ITFG1: variants seen among roughly 807,000 people sequenced by gnomAD.
ITFG1 encodes the protein T-cell immunomodulatory protein.
A neutral mutation model predicts 81.8 loss-of-function variants in ITFG1; 34 were observed. The ratio of observed to expected loss-of-function variants is 0.42; its 90% confidence interval spans 0.32 to 0.55. The LOEUF is 0.55. Among genes scored for constraint, ITFG1 ranks in the 20% least tolerant of loss-of-function variants. The pLI is 0.17. For synonymous variants in ITFG1, 285 were observed against 270.6 expected, an observed-to-expected ratio of 1.05 and a Z score of -0.52; for missense variants, 672 against 755.4, an observed-to-expected ratio of 0.89 and a Z score of 1.29.
chr16:47,430,675 T>C (rs1969084027), intron 5 of ITFG1, among the ~76,000 whole-genome samples: 1 of 152,204 alleles, frequency 6.6e-6, no homozygotes, highest in South Asian at 2.1e-4. Flanking sequence ...TGCAGAAGAA[T>C]AAATTGAAGT....
intron 10 of ITFG1, among the ~76,000 whole-genome samples, chr16:47,294,638 C>G (rs1158962185): frequency 6.6e-6 from 1 of 151,844 alleles, no homozygotes; most frequent in Non-Finnish European, 1.5e-5. Context: ...ATGAAACTGC[C>G]TTCTTGATTT....
At chr16:47,192,401 T>G (rs1965303401) in intron 14 of ITFG1, among the ~76,000 whole-genome samples, 1 of 152,206 alleles carries the variant, frequency 6.6e-6, no homozygotes, top group Non-Finnish European at 1.5e-5. Flanking sequence ...TAGAGACTCC[T>G]TATTATTTAT....
At chr16:47,221,910 T>A (rs1190145574) in intron 13 of ITFG1, among the ~76,000 whole-genome samples, 1 of 152,248 alleles carries the variant, frequency 6.6e-6, no homozygotes, top group Non-Finnish European at 1.5e-5. Context: ...AGTTTGTATT[T>A]CTGTGGGATC....
intron 14 of ITFG1, among the ~76,000 whole-genome samples, chr16:47,213,763 C>T (rs956016540): frequency 6.6e-6 from 1 of 152,086 alleles, no homozygotes; most frequent in African/African-American, 2.4e-5. Flanking sequence ...GTGTGGTGCA[C>T]CCCAGGTTCC....
chr16:47,275,221 T>A lies in ITFG1; in HGVS notation c.1071-14526A>T, dbSNP rs1019873789. On this transcript the variant is annotated intron_variant, in intron 10 of 17. Coordinates refer to ENST00000320640, the MANE Select transcript of ITFG1 (RefSeq NM_030790.5). ...GTTTAGCTGACATTGAATGTCTACT[T>A]CCTGAAAGGACCTGGAATAATATAT... is the stretch of plus-strand genomic sequence containing the variant. Among the ~76,000 whole-genome samples the A allele has an allele frequency of 3.9e-5, 6 of 152,224 alleles. No homozygotes were observed. In the South Asian group the frequency reaches 8.3e-4, roughly 21 times the overall value.
At chr16:47,433,792 TACAC>T (rs1194139016) in intron 5 of ITFG1, among the ~76,000 whole-genome samples, 66 of 135,632 alleles carry the variant, frequency 4.9e-4, no homozygotes, top group African/African-American at 1.7e-3. Flanking sequence ...TATATATATA[TACAC>T]ACACACACAT....
At chr16:47,171,843 A>G (rs1964967048) in intron 14 of ITFG1, among the ~76,000 whole-genome samples, 1 of 152,226 alleles carries the variant, frequency 6.6e-6, no homozygotes, top group Admixed American at 6.5e-5. Context: ...CAGAGAGTAT[A>G]TAAAATATAT....
intron 10 of ITFG1, among the ~76,000 whole-genome samples, chr16:47,283,521 G>A (rs79548925): frequency 0.023 from 3,537 of 152,156 alleles, 67 homozygotes; most frequent in Middle Eastern, 0.048. Context: ...TTGTTTCTCT[G>A]CAGAACCCTG....
At chr16:47,230,332 T>C (rs913149426) in intron 13 of ITFG1, among the ~76,000 whole-genome samples, 16 of 151,996 alleles carry the variant, frequency 1.1e-4, no homozygotes, top group African/African-American at 3.9e-4. Context: ...GTTGGCAGTA[T>C]CACATGCAGC....
intron 6 of ITFG1, among the ~76,000 whole-genome samples, chr16:47,412,139 A>G (rs1443301618): frequency 1.3e-5 from 2 of 152,216 alleles, no homozygotes; most frequent in Non-Finnish European, 1.5e-5. Context: ...ATTCAAAAAG[A>G]TAAAGGAATA....
At chr16:47,203,595 G>A (rs1429792021) in intron 14 of ITFG1, among the ~76,000 whole-genome samples, 2 of 152,162 alleles carry the variant, frequency 1.3e-5, no homozygotes, top group African/African-American at 4.8e-5. Flanking sequence ...TCCCTTACAC[G>A]AACAGTTCAC....
At chr16:47,207,812 C>T (rs767385437) in intron 14 of ITFG1, among the ~76,000 whole-genome samples, 78 of 111,734 alleles carry the variant, frequency 7.0e-4, no homozygotes, top group Admixed American at 1.7e-3. Context: ...CAGAATGTAA[C>T]TGCCTTGAGA....
intron 10 of ITFG1, among the ~76,000 whole-genome samples, chr16:47,287,613 G>T (rs1350346047): frequency 6.6e-6 from 1 of 151,924 alleles, no homozygotes; most frequent in Non-Finnish European, 1.5e-5. Flanking sequence ...ATGTTATCCA[G>T]GCTGGTCTTG....
chr16:47,460,831 C>A lies in ITFG1; in HGVS notation c.208+7G>T. ...GCGAACAGAGGGAGGGCCCGGCAAG[C>A]ACTGACTTTCCCGCAGCACGAAGAG... On this transcript the variant is annotated splice_region_variant and intron_variant, in intron 1 of 17. Coordinates refer to ENST00000320640, the MANE Select transcript of ITFG1 (RefSeq NM_030790.5). 6.2e-7 allele frequency: 1 copy of A among 1,612,868 alleles called. No individual in the cohort carries two copies. The highest frequency in any genetic ancestry group is 8.5e-7 in the Non-Finnish European group (1 of 1,179,690).
chr16:47,220,918 A>T, intron 13 of ITFG1, among the ~76,000 whole-genome samples: 1 of 152,192 alleles, frequency 6.6e-6, no homozygotes, highest in East Asian at 1.9e-4. Context: ...AGGAGCACTC[A>T]TTTAAGAAAA....
rs538402630 is a variant in ITFG1 at position 47,293,872 on chromosome 16, T to C, written c.1070+17368A>G. Among the ~76,000 whole-genome samples, 17 of 152,282 alleles carry C rather than the reference T, an allele frequency of 1.1e-4. 1 individual carries two copies. Among genetic ancestry groups the C allele is most frequent in the African/African-American group, 3.1e-4 (13 of 41,576 alleles). On this transcript the variant is annotated intron_variant, in intron 10 of 17. Coordinates refer to ENST00000320640, the MANE Select transcript of ITFG1 (RefSeq NM_030790.5). ...CTGTGCAGAAGCTTTTTAGTTCAAT[T>C]AAGTCCCATATGTCTATTTTTGTCA...
chr16:47,173,697 G>C (rs566290510), intron 14 of ITFG1, among the ~76,000 whole-genome samples: 10 of 152,288 alleles, frequency 6.6e-5, no homozygotes, highest in African/African-American at 2.4e-4. Context: ...TTGCATTATA[G>C]TCTGATTTTC....
At chr16:47,166,462 G>T (rs1964891069) in intron 14 of ITFG1, among the ~76,000 whole-genome samples, 1 of 152,056 alleles carries the variant, frequency 6.6e-6, no homozygotes, top group Non-Finnish European at 1.5e-5. Flanking sequence ...GCATAGTTTA[G>T]TATTATTTTC....
intron 14 of ITFG1, among the ~76,000 whole-genome samples, chr16:47,198,460 C>T (rs1049227885): frequency 1.1e-4 from 17 of 152,194 alleles, no homozygotes; most frequent in Admixed American, 1.0e-3. Flanking sequence ...AAGTATAGCA[C>T]ATACAATTAT....
Sources: gnomAD v4.1 joint callset for allele counts (sites outside exome capture counted in the v4.1 genomes callset) on GRCh38, gnomAD v4.1.1 for gene constraint, MANE v1.5 for transcripts, NCBI Gene and HGNC (gene_info 2026-07-23, HGNC 2026-07-21) for gene names.